The following PITPNA variants were observed in gnomAD, a reference collection of about 807,000 sequenced individuals.
The protein encoded by PITPNA is phosphatidylinositol transfer protein alpha.
Under a neutral mutation model 50.3 loss-of-function variants are expected in PITPNA, and 13 were observed. The observed-to-expected ratio is 0.26, with a 90% CI of 0.17 to 0.41. The LOEUF is 0.41. Among genes scored for constraint, PITPNA ranks in the 10% least tolerant of loss-of-function variants. PITPNA has a pLI of 1.00. For missense variants in PITPNA, 207 were observed against 333.4 expected, an observed-to-expected ratio of 0.62 and a Z score of 2.95; for synonymous variants, 120 against 119.6, an observed-to-expected ratio of 1.00 and a Z score of -0.02.
In PITPNA at chr17:1,548,364, A is replaced by T. The variant is rs1159716398; in HGVS notation, c.221T>A (p.Met74Lys). The T allele has an allele frequency of 6.2e-7, 1 of 1,607,914 alleles. No individual in the cohort carries two copies. Among genetic ancestry groups the T allele is most frequent in the African/African-American group, 1.3e-5 (1 of 74,608 alleles). Residue 74 changes from methionine to lysine, a missense_variant, in exon 4 of 12, where the codon ATG becomes AAG. By Grantham distance (95) the Met-to-Lys change is moderately conservative (BLOSUM62 -1). Coordinates refer to ENST00000313486, the MANE Select transcript of PITPNA (RefSeq NM_006224.4). ...LQSKVPTFVR[M>K]LAPEGALNIH... The stretch of plus-strand genomic sequence containing the variant: ...ATTCAGGGCTCCCTCTGGGGCCAGC[A>T]TTCGAACAAACGTGGGTACTTTGCT...
intron 3 of PITPNA, 24 bp downstream of exon 3, chr17:1,552,980 G>T: frequency 6.2e-7 from 1 of 1,611,262 alleles, no homozygotes. Flanking sequence ...GCCAGCATCC[G>T]GCCCCGCTGC....
At chr17:1,552,415 T>C (rs1035899529) in intron 3 of PITPNA, among the ~76,000 whole-genome samples, 11 of 152,326 alleles carry the variant, frequency 7.2e-5, no homozygotes, top group Non-Finnish European at 2.9e-5. Flanking sequence ...GTTAGGGATT[T>C]AGCAAATTTG....
At chr17:1,535,068 C>G (rs866571688) in intron 9 of PITPNA, 114 bp downstream of exon 9, 3 of 654,502 alleles carry the variant, frequency 4.6e-6, no homozygotes, top group Non-Finnish European at 8.3e-6. Context: ...CGCACACACA[C>G]GCAGTCACTG....
intron 10 of PITPNA, among the ~76,000 whole-genome samples, chr17:1,526,831 GT>G (rs1235268617): frequency 6.6e-6 from 1 of 152,168 alleles, no homozygotes; most frequent in Admixed American, 6.5e-5. Context: ...GTGGCATGAT[GT>G]TGGCTCACTG....
chr17:1,530,440 C>G (rs1410746777), intron 10 of PITPNA, among the ~76,000 whole-genome samples: 1 of 152,200 alleles, frequency 6.6e-6, no homozygotes, highest in Non-Finnish European at 1.5e-5. Context: ...ACTAATCTCT[C>G]GATGCCTTGC....
chr17:1,534,523 G>A (rs2151005762), intron 9 of PITPNA, among the ~76,000 whole-genome samples: 1 of 152,222 alleles, frequency 6.6e-6, no homozygotes, highest in South Asian at 2.1e-4. Context: ...GCAAGCCAAG[G>A]GCCCCAAACC....
At chr17:1,560,865 G>A (rs866183279) in intron 1 of PITPNA, among the ~76,000 whole-genome samples, 1 of 152,206 alleles carries the variant, frequency 6.6e-6, no homozygotes, top group African/African-American at 2.4e-5. Context: ...CTCTTCAGAT[G>A]AGGTGTTTAG....
chr17:1,549,353 G>A (rs1263172181), intron 3 of PITPNA, among the ~76,000 whole-genome samples: 2 of 137,336 alleles, frequency 1.5e-5, no homozygotes, highest in Non-Finnish European at 3.0e-5. Flanking sequence ...GTCTTGCTGT[G>A]TCACCCAAGC....
At chr17:1,532,089 T>G (rs1056432262) in intron 10 of PITPNA, among the ~76,000 whole-genome samples, 6 of 151,692 alleles carry the variant, frequency 4.0e-5, no homozygotes, top group African/African-American at 1.2e-4. Flanking sequence ...TTTTCTTTTC[T>G]TTTTCTTTTT....
intron 10 of PITPNA, among the ~76,000 whole-genome samples, chr17:1,523,784 C>G (rs933194579): frequency 6.6e-6 from 1 of 152,060 alleles, no homozygotes; most frequent in African/African-American, 2.4e-5. Context: ...GCTGGGATTA[C>G]AGGCGTGAGC....
intron 10 of PITPNA, among the ~76,000 whole-genome samples, chr17:1,523,888 G>C (rs1290653453): frequency 2.6e-5 from 4 of 151,592 alleles, no homozygotes; most frequent in Non-Finnish European, 4.4e-5. Context: ...CGAACCCCTG[G>C]ACTTAAGTAG....
intron 10 of PITPNA, among the ~76,000 whole-genome samples, chr17:1,525,605 A>G (rs1439081563): frequency 7.5e-6 from 1 of 133,378 alleles, no homozygotes; most frequent in African/African-American, 2.9e-5. Flanking sequence ...TGCACCCTCC[A>G]CCTCCCGGGT....
rs1234823895 is a variant in PITPNA, at chr17:1,518,892, A to ATGC, written c.*1666_*1668dup. The ATGC allele has an allele frequency of 2.0e-5, 3 of 152,236 alleles. No homozygotes were observed. The highest frequency in any genetic ancestry group is 7.2e-5 in the African/African-American group (3 of 41,438). 9.4% of individuals were successfully genotyped at this position (152,236 alleles called of 1,614,324 possible). A position where few individuals can be genotyped will look rare whatever the true frequency, so the allele number is the denominator to read the frequency against. ...CAGATAAATGCTACCAGCAGTTGAG[A>ATGC]TGCTACCCAGATGCATTACTAAAGA... On this transcript the variant is annotated 3_prime_UTR_variant, in exon 12 of 12. Coordinates refer to ENST00000313486, the MANE Select transcript of PITPNA (RefSeq NM_006224.4).
At chr17:1,536,821 G>C (rs963709129) in intron 7 of PITPNA, among the ~76,000 whole-genome samples, 1 of 150,456 alleles carries the variant, frequency 6.6e-6, no homozygotes, top group Non-Finnish European at 1.5e-5. Context: ...TCAAGCTCCT[G>C]ACCTCAGGTG....
At position 1,562,634 on chromosome 17, in the gene PITPNA, T is replaced by TGGCCC. The variant is rs1014314494; in HGVS notation, c.-79_-75dup. 4 of 1,080,604 alleles carry TGGCCC rather than the reference T, an allele frequency of 3.7e-6. No homozygotes were observed. Among genetic ancestry groups the TGGCCC allele is most frequent in the African/African-American group, 1.7e-5 (1 of 59,692 alleles). 66.9% of individuals were successfully genotyped at this position (1,080,604 alleles called of 1,614,324 possible). ...CGCTGCCCGCCGGCCGCTCTCCCCG[T>TGGCCC]GGCCCGGCCCGGCCCGGCTGCCTGT... On this transcript the variant is annotated 5_prime_UTR_variant, in exon 1 of 12. Coordinates refer to ENST00000313486, the MANE Select transcript of PITPNA (RefSeq NM_006224.4). This position sits in a 1 kb window ranked among gnomAD's most constrained non-coding sequence, Gnocchi z 6.4.
At chr17:1,533,133 C>T (rs1236586928) in intron 10 of PITPNA, among the ~76,000 whole-genome samples, 1 of 152,188 alleles carries the variant, frequency 6.6e-6, no homozygotes, top group Non-Finnish European at 1.5e-5. Context: ...CCATGCCAAC[C>T]CCACCTGGGG....
chr17:1,559,113 G>T (rs945780920), intron 1 of PITPNA, among the ~76,000 whole-genome samples: 2 of 152,066 alleles, frequency 1.3e-5, no homozygotes, highest in African/African-American at 4.8e-5. Flanking sequence ...CCCTCCAGGG[G>T]AAGGGCCAGG....
At chr17:1,537,340 G>A (rs942143526) in intron 7 of PITPNA, among the ~76,000 whole-genome samples, 2 of 152,120 alleles carry the variant, frequency 1.3e-5, no homozygotes, top group African/African-American at 4.8e-5. Context: ...CGGGATTACA[G>A]GTGTGAGCCA....
At chr17:1,533,826 T>C (rs1044769635) in intron 10 of PITPNA, among the ~76,000 whole-genome samples, 2 of 152,150 alleles carry the variant, frequency 1.3e-5, no homozygotes, top group African/African-American at 4.8e-5. Context: ...GAAGCATCGC[T>C]GTAGCAGCTG....
Sources: allele counts gnomAD v4.1 joint callset (sites outside exome capture counted in the v4.1 genomes callset), GRCh38; gene constraint gnomAD v4.1.1; non-coding constraint Gnocchi (gnomAD v3.1); transcripts MANE v1.5; gene names NCBI Gene and HGNC (gene_info 2026-07-23, HGNC 2026-07-21).